PEX5L: variants seen among roughly 807,000 people sequenced by gnomAD.
PEX5L encodes PEX5-related protein.
In PEX5L, 30 loss-of-function variants were observed where a neutral mutation model predicts 84.0. The observed-to-expected ratio is 0.36, with a 90% CI of 0.27 to 0.48. The LOEUF is 0.48. PEX5L is among the 20% of genes least tolerant of loss of function. The pLI, the probability that PEX5L is intolerant of heterozygous loss-of-function variation, is 0.99. For synonymous variants in PEX5L, 270 were observed against 283.1 expected (o/e 0.95, Z 0.46); for missense variants, 533 against 754.6 (o/e 0.71, Z 3.44).
chr3:179,844,353 C>T (rs1738453449), intron 8 of PEX5L, among the ~76,000 whole-genome samples: 1 of 152,176 alleles, frequency 6.6e-6, no homozygotes, highest in African/African-American at 2.4e-5. Context: ...ATTATTGCCA[C>T]CTGGCTAGTT....
At position 179,990,936 on chromosome 3, in the gene PEX5L, C is replaced by A. The variant is rs559293591; in HGVS notation, c.22-19271G>T. On this transcript the variant is annotated intron_variant, in intron 1 of 14. Transcript: ENST00000467460. ...GTCTGCTTTGAAGCTATGATTAAAA[C>A]CTGTTTATATAATTCCTATCCCCAT... is the stretch of plus-strand genomic sequence containing the variant. Among the ~76,000 whole-genome samples, 152 of 152,252 alleles carry A rather than the reference C, an allele frequency of 1.0e-3. 2 individuals are homozygous for A. Among genetic ancestry groups the A allele is most frequent in the African/African-American group, 3.3e-3 (138 of 41,546 alleles).
At chr3:180,019,641 C>T (rs1579370471) in intron 1 of PEX5L, among the ~76,000 whole-genome samples, 1 of 152,140 alleles carries the variant, frequency 6.6e-6, no homozygotes, top group Non-Finnish European at 1.5e-5. Context: ...TCTAATATAA[C>T]TGTCAATGAA....
intron 1 of PEX5L, among the ~76,000 whole-genome samples, chr3:179,993,341 G>T (rs1365612916): frequency 6.6e-6 from 1 of 152,094 alleles, no homozygotes; most frequent in East Asian, 1.9e-4. Flanking sequence ...GATTTTCTTA[G>T]AAAGGGATCA....
At chr3:179,815,758 A>G in intron 10 of PEX5L, 103 bp downstream of exon 10, 1 of 1,273,418 alleles carries the variant, frequency 7.9e-7, no homozygotes, top group Non-Finnish European at 1.1e-6. Context: ...CTCCTCTGGG[A>G]ACCTTTACTT....
intron 8 of PEX5L, among the ~76,000 whole-genome samples, chr3:179,848,124 C>T (rs530363679): frequency 3.7e-4 from 57 of 152,146 alleles, no homozygotes; most frequent in African/African-American, 1.1e-3. Context: ...CAATAAACAA[C>T]GAGTAACAGT....
chr3:179,806,398 G>A (rs1264463189), intron 14 of PEX5L, among the ~76,000 whole-genome samples: 1 of 152,146 alleles, frequency 6.6e-6, no homozygotes, highest in African/African-American at 2.4e-5. Flanking sequence ...CAAGCCGCTT[G>A]GTAAGGAGTC....
intron 2 of PEX5L, among the ~76,000 whole-genome samples, chr3:179,915,193 T>A (rs536747343): frequency 6.6e-6 from 1 of 152,146 alleles, no homozygotes; most frequent in East Asian, 1.9e-4. Flanking sequence ...AATGATTTTT[T>A]AAAAATCCAC....
intron 2 of PEX5L, among the ~76,000 whole-genome samples, chr3:179,932,392 A>G (rs1773354002): frequency 6.6e-6 from 1 of 152,178 alleles, no homozygotes; most frequent in African/African-American, 2.4e-5. Flanking sequence ...AGTTTCATAT[A>G]TGAGCAGGGA....
chr3:179,949,306 C>T lies in PEX5L; in HGVS notation c.93+22288G>A, dbSNP rs73883412. ...AATATTTTAGAATGTTTCCTTAGAG[C>T]CCTTTTTGTTAAGCATCTTAACACA... On this transcript the variant is annotated intron_variant, in intron 2 of 14. Coordinates refer to ENST00000467460, the MANE Select transcript of PEX5L (RefSeq NM_016559.3). 5.7e-3 allele frequency among the ~76,000 whole-genome samples: 868 copies of T among 152,248 alleles called. 7 individuals carry two copies. The highest frequency in any genetic ancestry group is 0.02 in the African/African-American group (829 of 41,554).
chr3:179,937,473 T>G (rs1427171108), intron 2 of PEX5L, among the ~76,000 whole-genome samples: 1 of 152,222 alleles, frequency 6.6e-6, no homozygotes, highest in Non-Finnish European at 1.5e-5. Flanking sequence ...CATTTTTGCC[T>G]GCAAGCACAC....
chr3:179,807,590 A>C, intron 14 of PEX5L, 84 bp downstream of exon 14: 9 of 1,349,054 alleles, frequency 6.7e-6, no homozygotes, highest in Non-Finnish European at 9.3e-6. Flanking sequence ...CAAGGCAGGC[A>C]TTTTTACTTG....
At chr3:179,988,388 C>CAATAAATA (rs56669562) in intron 1 of PEX5L, among the ~76,000 whole-genome samples, 21,741 of 143,364 alleles carry the variant, frequency 0.15, 1,845 homozygotes, top group Admixed American at 0.21. Context: ...AAATCTGCCT[C>CAATAAATA]AATAAATAAA....
chr3:179,864,928 C>T (rs1747583830), intron 7 of PEX5L, among the ~76,000 whole-genome samples: 1 of 152,072 alleles, frequency 6.6e-6, no homozygotes, highest in Admixed American at 6.6e-5. Flanking sequence ...TTTCCCAGGG[C>T]ACGTCCTTTT....
At chr3:179,909,687 G>A (rs1355373604) in intron 2 of PEX5L, among the ~76,000 whole-genome samples, 2 of 152,142 alleles carry the variant, frequency 1.3e-5, no homozygotes, top group Admixed American at 6.5e-5. Flanking sequence ...GACTGTGTTT[G>A]GAAACAGGGT....
intron 14 of PEX5L, among the ~76,000 whole-genome samples, chr3:179,805,867 T>C (rs922522995): frequency 1.3e-5 from 2 of 152,092 alleles, no homozygotes; most frequent in African/African-American, 2.4e-5. Flanking sequence ...TGCTGAATTT[T>C]GTATCTGTGA....
intron 2 of PEX5L, among the ~76,000 whole-genome samples, chr3:179,955,730 T>A (rs559465284): frequency 3.3e-4 from 50 of 152,268 alleles, no homozygotes; most frequent in African/African-American, 1.2e-3. Context: ...TATAATATAA[T>A]CTTTTGGGGC....
At chr3:179,990,326 C>T (rs1348637997) in intron 1 of PEX5L, among the ~76,000 whole-genome samples, 1 of 152,130 alleles carries the variant, frequency 6.6e-6, no homozygotes, top group Non-Finnish European at 1.5e-5. Flanking sequence ...TTACATATTT[C>T]CCCCATATTT....
At chr3:180,021,592 C>A (rs555218321) in intron 1 of PEX5L, among the ~76,000 whole-genome samples, 4 of 152,336 alleles carry the variant, frequency 2.6e-5, no homozygotes, top group Admixed American at 2.6e-4. Context: ...GAGCGGATGA[C>A]TCCCAGGTTT....
In PEX5L at chr3:179,800,429, T is replaced by C. The variant is rs1469805154; in HGVS notation, c.*1399A>G. ...AATGGGATAACTTCTATACCTGACA[T>C]TGGGAAAATTATATTCTGATTAGCA... On this transcript the variant is annotated 3_prime_UTR_variant, in exon 15 of 15. Transcript: ENST00000467460. The C allele has an allele frequency of 1.3e-5, 2 of 152,206 alleles. No individual in the cohort carries two copies. The highest frequency in any genetic ancestry group is 2.4e-5 in the African/African-American group (1 of 41,446). The allele number at this position is 152,206 out of a possible 1,614,324, so 9.4% of individuals were successfully genotyped here.
Sources: allele counts gnomAD v4.1 joint callset (sites outside exome capture counted in the v4.1 genomes callset), GRCh38; gene constraint gnomAD v4.1.1; transcripts MANE v1.5; gene names NCBI Gene and HGNC (gene_info 2026-07-23, HGNC 2026-07-21).